NSUN6: variants seen among roughly 807,000 people sequenced by gnomAD.
The protein encoded by NSUN6 is NOP2/Sun RNA methyltransferase 6, also known as tRNA (cytosine(72)-C(5))-methyltransferase NSUN6.
In NSUN6, 64 loss-of-function variants were observed where a neutral mutation model predicts 58.0. That is an observed-to-expected ratio of 1.10 (90% CI 0.90 to 1.36). The LOEUF (loss-of-function observed/expected upper bound fraction) is 1.36. NSUN6 is among the 40% of genes most tolerant of loss of function. NSUN6 has a pLI of 0.00. For missense variants in NSUN6, 701 were observed against 550.1 expected (o/e 1.27, Z -2.74); for synonymous variants, 231 against 193.9 (o/e 1.19, Z -1.59).
intron 6 of NSUN6, among the ~76,000 whole-genome samples, chr10:18,600,959 T>TATATACATATATATATATATATAC: frequency 2.5e-4 from 16 of 64,956 alleles, no homozygotes; most frequent in Non-Finnish European, 4.0e-4. Context: ...TATATATATA[T>TATATACATATATATATATATATAC]ACATATATAT....
intron 3 of NSUN6, among the ~76,000 whole-genome samples, chr10:18,638,860 G>A (rs1272404833): frequency 1.4e-5 from 2 of 147,264 alleles, no homozygotes; most frequent in African/African-American, 5.0e-5. Context: ...TAAGAAATGA[G>A]AAACTGTGCC....
At chr10:18,648,251 C>T (rs1278784787) in intron 2 of NSUN6, among the ~76,000 whole-genome samples, 2 of 152,048 alleles carry the variant, frequency 1.3e-5, no homozygotes, top group African/African-American at 2.4e-5. Flanking sequence ...TAATGCGGCC[C>T]AGAGGGGTTT....
At chr10:18,567,597 C>A (rs1279229652) in intron 8 of NSUN6, among the ~76,000 whole-genome samples, 1 of 149,070 alleles carries the variant, frequency 6.7e-6, no homozygotes, top group Non-Finnish European at 1.5e-5. Flanking sequence ...GCATTCCATT[C>A]TCCATTCCAT....
chr10:18,658,901 G>C (rs2059807166), upstream of NSUN6, among the ~76,000 whole-genome samples: 1 of 152,184 alleles, frequency 6.6e-6, no homozygotes, highest in Middle Eastern at 3.2e-3. Flanking sequence ...TGAATGAATA[G>C]ATTAATAAAT....
chr10:18,615,067 G>A (rs1403305496), intron 4 of NSUN6, among the ~76,000 whole-genome samples: 2 of 150,700 alleles, frequency 1.3e-5, no homozygotes, highest in Non-Finnish European at 2.9e-5. Flanking sequence ...ATGACAGCAC[G>A]ATTAAGGCAG....
At chr10:18,651,661 C>G, upstream of NSUN6, 1 of 985,980 alleles carries the variant, frequency 1.0e-6, no homozygotes, top group Non-Finnish European at 1.2e-6. Context: ...GCGCCTGCGG[C>G]CCACCCCTCC....
chr10:18,586,132 A>G (rs1589963321), intron 7 of NSUN6, 39 bp from the exon 8 acceptor site: 1 of 1,478,844 alleles, frequency 6.8e-7, no homozygotes, highest in Non-Finnish European at 9.1e-7. Flanking sequence ...GAAAAAAAAA[A>G]AGAAAATTAT....
chr10:18,616,336 C>A, intron 3 of NSUN6, 43 bp from the exon 4 acceptor site: 2 of 1,136,816 alleles, frequency 1.8e-6, no homozygotes, highest in Non-Finnish European at 2.7e-6. Flanking sequence ...AACATACCTC[C>A]AATGCCTACC....
intron 3 of NSUN6, among the ~76,000 whole-genome samples, chr10:18,636,157 A>G (rs545106846): frequency 6.6e-6 from 1 of 152,162 alleles, no homozygotes; most frequent in East Asian, 1.9e-4. Flanking sequence ...TTCCCAATCA[A>G]GAAAGTAACG....
At chr10:18,563,487 G>A (rs1479085939) in intron 8 of NSUN6, among the ~76,000 whole-genome samples, 1 of 151,188 alleles carries the variant, frequency 6.6e-6, no homozygotes. Flanking sequence ...ATGGAGAATG[G>A]AATAGAATGG....
intron 2 of NSUN6, among the ~76,000 whole-genome samples, chr10:18,643,243 A>G (rs1880682): frequency 0.55 from 82,969 of 150,170 alleles, 23,366 homozygotes; most frequent in East Asian, 0.94. Flanking sequence ...ATGTACCAGC[A>G]TACCACTGTC....
At chr10:18,616,576 T>A (rs192517936) in intron 3 of NSUN6, among the ~76,000 whole-genome samples, 1 of 152,198 alleles carries the variant, frequency 6.6e-6, no homozygotes, top group Non-Finnish European at 1.5e-5. Flanking sequence ...CTGTTTATCA[T>A]AGCATTAGGA....
At chr10:18,583,318 T>C (rs549746489) in intron 8 of NSUN6, among the ~76,000 whole-genome samples, 2 of 152,338 alleles carry the variant, frequency 1.3e-5, no homozygotes, top group East Asian at 1.9e-4. Flanking sequence ...CTCCCTTTGC[T>C]GACTCCCTTT....
chr10:18,630,838 G>A (rs1366125938), intron 3 of NSUN6, among the ~76,000 whole-genome samples: 1 of 152,110 alleles, frequency 6.6e-6, no homozygotes, highest in Non-Finnish European at 1.5e-5. Flanking sequence ...GGAGGAACTG[G>A]TACCATTCCT....
intron 8 of NSUN6, among the ~76,000 whole-genome samples, chr10:18,570,022 CATTCCATTCT>C (rs138877185): frequency 0.21 from 31,543 of 150,566 alleles, 3,583 homozygotes; most frequent in South Asian, 0.31. Flanking sequence ...TTCCACTATT[CATTCCATTCT>C]ATTCCATTCT....
chr10:18,625,439 G>C (rs987574476), intron 3 of NSUN6, among the ~76,000 whole-genome samples: 1 of 152,166 alleles, frequency 6.6e-6, no homozygotes, highest in African/African-American at 2.4e-5. Flanking sequence ...TAGGCTGAGT[G>C]TGGTGGCTCA....
At chr10:18,559,113 T>C (rs561106685) in intron 8 of NSUN6, among the ~76,000 whole-genome samples, 31 of 145,996 alleles carry the variant, frequency 2.1e-4, no homozygotes, top group African/African-American at 6.3e-4. Flanking sequence ...TGGAGGAGAA[T>C]TGAATGGAAC....
At chr10:18,638,849 A>G (rs765865482) in intron 3 of NSUN6, among the ~76,000 whole-genome samples, 6 of 148,986 alleles carry the variant, frequency 4.0e-5, no homozygotes, top group African/African-American at 7.8e-5. Flanking sequence ...ATTAATAAAG[A>G]TAAGAAATGA....
intron 8 of NSUN6, among the ~76,000 whole-genome samples, chr10:18,576,263 C>A (rs947875848): frequency 1.3e-5 from 2 of 152,068 alleles, no homozygotes; most frequent in Non-Finnish European, 2.9e-5. Flanking sequence ...TTCTTATACC[C>A]TATAAGGACT....
Sources: gnomAD v4.1 joint callset for allele counts (sites outside exome capture counted in the v4.1 genomes callset) on GRCh38, gnomAD v4.1.1 for gene constraint, MANE v1.5 for transcripts, NCBI Gene and HGNC (gene_info 2026-07-23, HGNC 2026-07-21) for gene names.